SLC2A13: variants seen among roughly 807,000 people sequenced by gnomAD.
The protein encoded by SLC2A13 is proton myo-inositol cotransporter.
Under a neutral mutation model 64.4 loss-of-function variants are expected in SLC2A13, and 32 were observed. That is an observed-to-expected ratio of 0.50 (90% CI 0.37 to 0.67). The LOEUF is 0.67. Ranked by LOEUF, SLC2A13 falls within the 30% of genes least tolerant of loss-of-function variation. The probability of loss-of-function intolerance (pLI) is 0.00; values close to 1 mark genes in which losing one functional copy is unlikely to be tolerated. For missense variants in SLC2A13, 743 were observed against 829.2 expected, an observed-to-expected ratio of 0.90 and a Z score of 1.28; for synonymous variants, 338 against 327.1, an observed-to-expected ratio of 1.03 and a Z score of -0.36.
chr12:40,104,762 T>C (rs545806855), intron 1 of SLC2A13, among the ~76,000 whole-genome samples: 3 of 152,136 alleles, frequency 2.0e-5, no homozygotes, highest in Non-Finnish European at 4.4e-5. Flanking sequence ...AGTCCAGAAT[T>C]ACTTAACTCT....
At chr12:40,068,320 G>A (rs1489735328) in intron 1 of SLC2A13, 2 of 414,864 alleles carry the variant, frequency 4.8e-6, no homozygotes, top group Non-Finnish European at 9.6e-6. Context: ...AGTGTGCACA[G>A]TCTGTAGTAT....
At chr12:39,865,443 T>C (rs1186544574) in intron 5 of SLC2A13, among the ~76,000 whole-genome samples, 2 of 152,194 alleles carry the variant, frequency 1.3e-5, no homozygotes, top group Non-Finnish European at 2.9e-5. Context: ...AGAAATAATA[T>C]ATCACATATA....
At chr12:40,041,314 C>T (rs990022125) in intron 2 of SLC2A13, among the ~76,000 whole-genome samples, 1 of 152,142 alleles carries the variant, frequency 6.6e-6, no homozygotes, top group Non-Finnish European at 1.5e-5. Context: ...AGCCCTCCTC[C>T]TAGCTGCTCT....
chr12:40,067,094 G>A (rs1592054158), intron 1 of SLC2A13, among the ~76,000 whole-genome samples: 1 of 152,114 alleles, frequency 6.6e-6, no homozygotes, highest in South Asian at 2.1e-4. Context: ...CCTGGTTCCC[G>A]GTGTACAAAA....
Position 40,028,326 on chromosome 12 carries a change from T to C in SLC2A13, c.900A>G (p.Glu300=). ...EEYDSIKNNI[E]EEEKEVGSAG... The stretch of plus-strand genomic sequence containing the variant: ...CTGAGCCAACCTCTTTTTCCTCCTC[T>C]TCAATGTTGTTTTTGATGCTATCAT... Residue 300 remains glutamate, a synonymous_variant, in exon 3 of 10, where the codon GAA becomes GAG. Transcript: ENST00000280871. 3 of 1,613,992 alleles carry C rather than the reference T, an allele frequency of 1.9e-6. No homozygotes were observed. The highest frequency in any genetic ancestry group is 1.7e-4 in the Middle Eastern group (1 of 6,060).
chr12:40,073,942 G>A (rs1462270267), intron 1 of SLC2A13, among the ~76,000 whole-genome samples: 1 of 151,896 alleles, frequency 6.6e-6, no homozygotes, highest in African/African-American at 2.4e-5. Flanking sequence ...AGTCATTATT[G>A]CTTCAAATAT....
intron 6 of SLC2A13, among the ~76,000 whole-genome samples, chr12:39,858,471 T>C (rs114624047): frequency 3.7e-3 from 569 of 152,290 alleles, no homozygotes; most frequent in African/African-American, 0.013. Flanking sequence ...TTAACACAAA[T>C]GGAAAGTTGT....
intron 7 of SLC2A13, among the ~76,000 whole-genome samples, chr12:39,794,447 C>T (rs944271284): frequency 1.3e-5 from 2 of 152,164 alleles, no homozygotes; most frequent in Non-Finnish European, 2.9e-5. Flanking sequence ...AAGGTTTCCC[C>T]ATACATAATT....
rs769383158 is a variant in SLC2A13, at chr12:40,105,817, GGCCCGGGGCT to G, written c.-19_-10del. ...CTTGCCTTGCGGGACATAGGGCAGG[GGCCCGGGGCT>G]GCCCGGGGGGACGCGGCTCCGCGGG... On this transcript the variant is annotated 5_prime_UTR_variant, in exon 1 of 10. Coordinates refer to ENST00000280871, the MANE Select transcript of SLC2A13 (RefSeq NM_052885.4). The surrounding 1 kb of genome is among the most constrained non-coding windows in gnomAD (Gnocchi z 4.2). The G allele has an allele frequency of 3.5e-6, 5 of 1,441,204 alleles. No homozygotes were observed. The highest frequency in any genetic ancestry group is 4.3e-4 in the Middle Eastern group (2 of 4,668). The allele number at this position is 1,441,204 out of a possible 1,614,324, so 89.3% of individuals were successfully genotyped here.
chr12:40,080,556 A>G (rs750735284), intron 1 of SLC2A13, among the ~76,000 whole-genome samples: 85 of 151,886 alleles, frequency 5.6e-4, no homozygotes, highest in Admixed American at 1.8e-3. Context: ...ATGCCTGGCT[A>G]TTTTTTTGTA....
At chr12:39,954,536 G>A (rs959000143) in intron 3 of SLC2A13, among the ~76,000 whole-genome samples, 2 of 152,168 alleles carry the variant, frequency 1.3e-5, no homozygotes, top group Non-Finnish European at 2.9e-5. Flanking sequence ...ACGAACCAGA[G>A]TGAAAAATCT....
At chr12:39,978,751 C>T (rs556105289) in intron 3 of SLC2A13, among the ~76,000 whole-genome samples, 2 of 152,172 alleles carry the variant, frequency 1.3e-5, no homozygotes, top group Admixed American at 6.5e-5. Flanking sequence ...GGGGGAGAGG[C>T]GCCCGCCATT....
At chr12:39,903,780 G>C (rs144292598) in intron 4 of SLC2A13, among the ~76,000 whole-genome samples, 59 of 152,126 alleles carry the variant, frequency 3.9e-4, no homozygotes, top group African/African-American at 1.3e-3. Context: ...TCAGTTATGA[G>C]AATCAAATAA....
intron 7 of SLC2A13, among the ~76,000 whole-genome samples, chr12:39,789,274 G>A (rs1169085119): frequency 1.3e-5 from 2 of 151,882 alleles, no homozygotes; most frequent in Non-Finnish European, 2.9e-5. Context: ...ATATCACTTG[G>A]TTGTGCCTGT....
intron 7 of SLC2A13, among the ~76,000 whole-genome samples, chr12:39,812,483 C>G (rs955428295): frequency 6.7e-6 from 1 of 148,674 alleles, no homozygotes; most frequent in African/African-American, 2.5e-5. Flanking sequence ...CCCCTTCTCT[C>G]TTTTTGTGAG....
intron 6 of SLC2A13, among the ~76,000 whole-genome samples, chr12:39,849,835 T>C (rs1489592324): frequency 2.0e-5 from 3 of 152,210 alleles, no homozygotes; most frequent in African/African-American, 7.2e-5. Context: ...TTTTGCATTA[T>C]ATGGCTACTC....
At chr12:39,892,567 G>A (rs1388467584) in intron 4 of SLC2A13, among the ~76,000 whole-genome samples, 1 of 151,824 alleles carries the variant, frequency 6.6e-6, no homozygotes, top group Non-Finnish European at 1.5e-5. Flanking sequence ...TGCTTTCTTG[G>A]TTTTGACCAA....
rs1394853003 is a variant in SLC2A13, at chr12:40,105,821, CG to C, written c.-14del. 1 of 1,421,568 alleles carries C rather than the reference CG, an allele frequency of 7.0e-7. No individual in the cohort carries two copies. The highest frequency in any genetic ancestry group is 9.2e-7 in the Non-Finnish European group (1 of 1,086,878). 88.1% of individuals were successfully genotyped at this position (1,421,568 alleles called of 1,614,324 possible). A position where few individuals can be genotyped will look rare whatever the true frequency, so the allele number is the denominator to read the frequency against. The stretch of plus-strand genomic sequence containing the variant: ...CCTTGCGGGACATAGGGCAGGGGCC[CG>C]GGGCTGCCCGGGGGGACGCGGCTCC... On this transcript the variant is annotated 5_prime_UTR_variant, in exon 1 of 10. Coordinates refer to ENST00000280871, the MANE Select transcript of SLC2A13 (RefSeq NM_052885.4). The surrounding 1 kb of genome is among the most constrained non-coding windows in gnomAD (Gnocchi z 4.2).
At chr12:39,985,712 C>G (rs1947018730) in intron 3 of SLC2A13, among the ~76,000 whole-genome samples, 1 of 152,120 alleles carries the variant, frequency 6.6e-6, no homozygotes. Context: ...ACCTTATAGT[C>G]TGCCCATTAA....
Sources: gnomAD v4.1 joint callset for allele counts (sites outside exome capture counted in the v4.1 genomes callset) on GRCh38, gnomAD v4.1.1 for gene constraint, Gnocchi (gnomAD v3.1) non-coding constraint, MANE v1.5 for transcripts, NCBI Gene and HGNC (gene_info 2026-07-23, HGNC 2026-07-21) for gene names.